Variants in NPEPPS observed in about 807,000 individuals in gnomAD.
The protein encoded by NPEPPS is aminopeptidase puromycin sensitive.
A neutral mutation model predicts 115.5 loss-of-function variants in NPEPPS; 14 were observed. The observed-to-expected ratio is 0.12, with a 90% CI of 0.08 to 0.19. The LOEUF is 0.19. Ranked by LOEUF, NPEPPS falls within the 10% of genes least tolerant of loss-of-function variation. The probability of loss-of-function intolerance (pLI) is 1.00; values close to 1 mark genes in which losing one functional copy is unlikely to be tolerated. For missense variants in NPEPPS, 523 were observed against 1,110.8 expected (o/e 0.47, Z 7.52); for synonymous variants, 285 against 390.6 (o/e 0.73, Z 3.19).
chr17:47,604,115 G>C (rs1023151971), intron 16 of NPEPPS, 66 bp downstream of exon 16: 21 of 1,505,926 alleles, frequency 1.4e-5, no homozygotes, highest in Middle Eastern at 1.8e-4. Context: ...TTTTCCTGGA[G>C]TGTCTGAAAC....
In NPEPPS at chr17:47,554,190, G is replaced by A. The variant is rs554127098; in HGVS notation, c.340+8197G>A. ...CAAGTAGCTGGGATTACAGGCATGC[G>A]CCACCACGCCTGGCTAATTTTGTAT... On this transcript the variant is annotated intron_variant, in intron 2 of 22. Coordinates refer to ENST00000322157, the MANE Select transcript of NPEPPS (RefSeq NM_006310.4). 2.7e-4 allele frequency among the ~76,000 whole-genome samples: 41 copies of A among 151,708 alleles called. No individual in the cohort carries two copies. In the East Asian group the frequency reaches 7.0e-3, roughly 26 times the overall value.
intron 1 of NPEPPS, among the ~76,000 whole-genome samples, chr17:47,525,353 TTTTG>T (rs1243784942): frequency 6.6e-6 from 1 of 152,144 alleles, no homozygotes. Flanking sequence ...TTGTTTTTGT[TTTTG>T]TTTGAGATGG....
intron 9 of NPEPPS, among the ~76,000 whole-genome samples, chr17:47,588,214 C>A (rs1349866024): frequency 6.6e-6 from 1 of 152,174 alleles, no homozygotes; most frequent in African/African-American, 2.4e-5. Context: ...GAAAATAAAT[C>A]TTTTCCTTTT....
chr17:47,614,812 G>T (rs986690191), intron 19 of NPEPPS, among the ~76,000 whole-genome samples: 11 of 152,156 alleles, frequency 7.2e-5, no homozygotes, highest in African/African-American at 2.7e-4. Context: ...AAAGATCCAC[G>T]CTTAGGACAG....
intron 2 of NPEPPS, among the ~76,000 whole-genome samples, chr17:47,559,286 C>G (rs2143767739): frequency 6.6e-6 from 1 of 152,222 alleles, no homozygotes; most frequent in South Asian, 2.1e-4. Context: ...AAGGGATTCT[C>G]TCACCTCAGC....
intron 9 of NPEPPS, among the ~76,000 whole-genome samples, chr17:47,588,831 T>G (rs1238986760): frequency 1.3e-5 from 2 of 152,170 alleles, no homozygotes; most frequent in South Asian, 2.1e-4. Context: ...TTCCAAGGGC[T>G]TAGGGATAGG....
chr17:47,533,708 G>T (rs189135182), intron 1 of NPEPPS, among the ~76,000 whole-genome samples: 1 of 152,014 alleles, frequency 6.6e-6, no homozygotes, highest in African/African-American at 2.4e-5. Flanking sequence ...TACTTTTGTG[G>T]AAGACTGGTT....
At chr17:47,559,233 G>A in intron 2 of NPEPPS, among the ~76,000 whole-genome samples, 1 of 151,980 alleles carries the variant, frequency 6.6e-6, no homozygotes, top group East Asian at 1.9e-4. Context: ...GTAGAGATGG[G>A]GTCTTGCTTT....
chr17:47,578,709 G>A (rs1301104250), intron 3 of NPEPPS, among the ~76,000 whole-genome samples: 7 of 151,870 alleles, frequency 4.6e-5, no homozygotes, highest in Non-Finnish European at 7.4e-5. Context: ...TGACTTGTAA[G>A]AATTTGTTTT....
In NPEPPS at chr17:47,612,587, T is replaced by A; in HGVS notation, c.2223T>A (p.Ala741=). 6.2e-7 allele frequency: 1 copy of A among 1,613,732 alleles called. No individual in the cohort carries two copies. Among genetic ancestry groups the A allele is most frequent in the Non-Finnish European group, 8.5e-7 (1 of 1,179,818 alleles). ...TGGAAGGAAAACAGATTCTCTCCGC[T>A]GATCTGAGGAGTCCTGTAGGTTTTC... ...DHVEGKQILS[A]DLRSPVYLTV... is the part of the protein sequence containing the mutation. The change falls in exon 18 of 23, where the codon GCT becomes GCA. Residue 741 remains alanine (A), a synonymous_variant. Coordinates refer to ENST00000322157, the MANE Select transcript of NPEPPS (RefSeq NM_006310.4).
At chr17:47,562,263 A>G (rs980167220) in intron 2 of NPEPPS, among the ~76,000 whole-genome samples, 1 of 152,224 alleles carries the variant, frequency 6.6e-6, no homozygotes, top group African/African-American at 2.4e-5. Context: ...CCTTACAACT[A>G]GTGTCTGAAG....
intron 1 of NPEPPS, among the ~76,000 whole-genome samples, chr17:47,535,843 T>C (rs1908203578): frequency 7.0e-6 from 1 of 142,670 alleles, no homozygotes; most frequent in East Asian, 2.0e-4. Flanking sequence ...TTTTTTTTTT[T>C]TTTTTTTTTT....
chr17:47,605,846 A>G (rs1270182421), intron 17 of NPEPPS, among the ~76,000 whole-genome samples: 2 of 152,078 alleles, frequency 1.3e-5, no homozygotes, highest in Admixed American at 1.3e-4. Context: ...GCTAAAGGGA[A>G]TTTTAGGTTG....
rs190831687 is a variant in NPEPPS, at chr17:47,618,034, C to T, written c.2296-316C>T. Reference sequence around the variant, plus strand: ...GATTACAGGTGGGCACCACCACGCCCGGCTAATTTTTTTTTTTTGTATTTT... The same window carrying T: ...GATTACAGGTGGGCACCACCACGCCTGGCTAATTTTTTTTTTTTGTATTTT... On this transcript the variant is annotated intron_variant, in intron 19 of 22. Transcript: ENST00000322157. 1.8e-4 allele frequency among the ~76,000 whole-genome samples: 28 copies of T among 151,364 alleles called. No individual in the cohort carries two copies. The East Asian group carries it at 4.5e-3, about 24-fold the overall frequency.
At chr17:47,594,699 C>G (rs1258185948) in intron 12 of NPEPPS, among the ~76,000 whole-genome samples, 1 of 151,950 alleles carries the variant, frequency 6.6e-6, no homozygotes, top group African/African-American at 2.4e-5. Context: ...GTGGCGCGAT[C>G]TCGGCTCACT....
At position 47,559,470 on chromosome 17, in the gene NPEPPS, C is replaced by T. The variant is rs1418945320; in HGVS notation, c.341-9947C>T. The T allele has an allele frequency of 6.4e-5, 12 of 187,636 alleles. No individual in the cohort carries two copies. The South Asian group carries it at 7.7e-4, about 12-fold the overall frequency. 11.6% of individuals were successfully genotyped at this position (187,636 alleles called of 1,614,324 possible). On this transcript the variant is annotated intron_variant, in intron 2 of 22. Coordinates refer to ENST00000322157, the MANE Select transcript of NPEPPS (RefSeq NM_006310.4). ...TGTTTGTTTTTTTAAAGTAACTTCG[C>T]GTTACTTGCCAAATTTTTCAGGATT...
rs58024549 is a variant in NPEPPS, at chr17:47,536,390, T to C, written c.255+4835T>C. The stretch of plus-strand genomic sequence containing the variant: ...CCCAAATTCTGCATATTTTCTCTCT[T>C]TTTTTTTTTTTTTTTTTTTGAGATG... On this transcript the variant is annotated intron_variant, in intron 1 of 22. Coordinates refer to ENST00000322157, the MANE Select transcript of NPEPPS (RefSeq NM_006310.4). Among the ~76,000 whole-genome samples, 90 of 72,598 alleles carry C rather than the reference T, an allele frequency of 1.2e-3. 1 individual carries two copies. Among genetic ancestry groups the C allele is most frequent in the East Asian group, 3.4e-3 (10 of 2,906 alleles). The allele number at this position is 72,598 out of a possible 152,430, so 47.6% of individuals were successfully genotyped here.
intron 1 of NPEPPS, among the ~76,000 whole-genome samples, chr17:47,543,078 A>G (rs1308541052): frequency 6.6e-6 from 1 of 150,860 alleles, no homozygotes; most frequent in African/African-American, 2.4e-5. Context: ...TGGAGGTTGC[A>G]GTGAGCCAAG....
chr17:47,611,458 C>CA (rs71141920), intron 17 of NPEPPS, among the ~76,000 whole-genome samples: 55,156 of 119,834 alleles, frequency 0.46, 12,199 homozygotes, highest in Middle Eastern at 0.56. Flanking sequence ...GACCACATCT[C>CA]AAAAAAAAAA....
Sources: gnomAD v4.1 joint callset for allele counts (sites outside exome capture counted in the v4.1 genomes callset) on GRCh38, gnomAD v4.1.1 for gene constraint, MANE v1.5 for transcripts, NCBI Gene and HGNC (gene_info 2026-07-23, HGNC 2026-07-21) for gene names.